The following GSTA3 variants were observed in gnomAD, a reference collection of about 807,000 sequenced individuals.
GSTA3 encodes the protein glutathione S-transferase A3.
Under a neutral mutation model 23.1 loss-of-function variants are expected in GSTA3, and 16 were observed. The ratio of observed to expected loss-of-function variants is 0.69; its 90% CI spans 0.47 to 1.05. The LOEUF (loss-of-function observed/expected upper bound fraction) is 1.05. Ranked by LOEUF, GSTA3 falls within the 50% of genes least tolerant of loss-of-function variation. The pLI, the probability that GSTA3 is intolerant of heterozygous loss-of-function variation, is 0.00. For synonymous variants in GSTA3, 122 were observed against 91.0 expected, an observed-to-expected ratio of 1.34 and a Z score of -1.94; for missense variants, 319 against 263.6, an observed-to-expected ratio of 1.21 and a Z score of -1.46.
At position 52,903,662 on chromosome 6, in the gene GSTA3, A is replaced by C; in HGVS notation, c.139+14T>G. 2 of 1,443,696 alleles carry C rather than the reference A, an allele frequency of 1.4e-6. No homozygotes were observed. The highest frequency in any genetic ancestry group is 1.9e-6 in the Non-Finnish European group (2 of 1,026,466). 89.4% of individuals were successfully genotyped at this position (1,443,696 alleles called of 1,614,324 possible). A position where few individuals can be genotyped will look rare whatever the true frequency, so the allele number is the denominator to read the frequency against. On this transcript the variant is annotated intron_variant, in intron 3 of 6. Transcript: ENST00000211122. ...AGATACCCTCATCAGAGGCACTTAG[A>C]GACTTGATCTTACCATTTCTTAACT...
chr6:52,903,776 T>TAGAAGG, intron 2 of GSTA3, 49 bp from the exon 3 acceptor site: 1 of 1,120,892 alleles, frequency 8.9e-7, no homozygotes, highest in Non-Finnish European at 1.4e-6. Context: ...TTCCATAGCA[T>TAGAAGG]TACAGACTTG....
At chr6:52,903,441 A>AC (rs1320944980) in intron 3 of GSTA3, among the ~76,000 whole-genome samples, 1 of 151,204 alleles carries the variant, frequency 6.6e-6, no homozygotes, top group African/African-American at 2.4e-5. Context: ...CAAAAAAAAA[A>AC]AAAAAACTAG....
At chr6:52,908,424 A>G (rs747155958) in intron 1 of GSTA3, among the ~76,000 whole-genome samples, 1 of 152,182 alleles carries the variant, frequency 6.6e-6, no homozygotes, top group Non-Finnish European at 1.5e-5. Flanking sequence ...CTGAGGCAGG[A>G]AGATCACTTG....
chr6:52,903,447 A>AC (rs1765768693), intron 3 of GSTA3, among the ~76,000 whole-genome samples: 2 of 151,042 alleles, frequency 1.3e-5, no homozygotes, highest in Admixed American at 1.3e-4. Flanking sequence ...AAAAAAAAAA[A>AC]CTAGCCTGGT....
At chr6:52,901,151 C>T (rs1371298642) in intron 4 of GSTA3, among the ~76,000 whole-genome samples, 1 of 152,176 alleles carries the variant, frequency 6.6e-6, no homozygotes, top group Non-Finnish European at 1.5e-5. Flanking sequence ...ATCGTTGTCA[C>T]CCATTAAATT....
intron 5 of GSTA3, among the ~76,000 whole-genome samples, chr6:52,898,993 A>C (rs1295709600): frequency 6.6e-6 from 1 of 151,804 alleles, no homozygotes; most frequent in African/African-American, 2.4e-5. Context: ...CAGAGCAGGT[A>C]GCCGGCAATC....
intron 1 of GSTA3, among the ~76,000 whole-genome samples, chr6:52,907,913 A>G (rs1765947372): frequency 6.6e-6 from 1 of 151,850 alleles, no homozygotes; most frequent in South Asian, 2.1e-4. Flanking sequence ...AGCATGGCAC[A>G]TGTATGCATA....
At chr6:52,908,910 C>T (rs1458685511) in intron 1 of GSTA3, among the ~76,000 whole-genome samples, 3 of 151,606 alleles carry the variant, frequency 2.0e-5, no homozygotes, top group African/African-American at 4.9e-5. Flanking sequence ...GTCCCAGATA[C>T]TTCGAACAAG....
chr6:52,907,456 AGCCATCCCATTACT>A (rs1409849121), intron 1 of GSTA3, among the ~76,000 whole-genome samples: 1 of 149,676 alleles, frequency 6.7e-6, no homozygotes, highest in Non-Finnish European at 1.5e-5. Flanking sequence ...CATTTGACCC[AGCCATCCCATTACT>A]GGGTATATAC....
chr6:52,908,796 AG>A (rs1211214787), intron 1 of GSTA3, among the ~76,000 whole-genome samples: 1 of 152,182 alleles, frequency 6.6e-6, no homozygotes, highest in Non-Finnish European at 1.5e-5. Context: ...ACAGCTTAAG[AG>A]GGGGTTATTA....
chr6:52,908,783 A>G (rs772557655), intron 1 of GSTA3, among the ~76,000 whole-genome samples: 6 of 152,228 alleles, frequency 3.9e-5, no homozygotes, highest in Non-Finnish European at 8.8e-5. Flanking sequence ...GACAGGGAAT[A>G]TAACAGCTTA....
Position 52,896,835 on chromosome 6 carries a change from C to T in GSTA3, c.640G>A (p.Glu214Lys), listed in dbSNP as rs765108264. The T allele has an allele frequency of 2.7e-5, 44 of 1,613,992 alleles. No homozygotes were observed. The South Asian group carries it at 4.4e-4, about 16-fold the overall frequency. ...RKPPADAKAL[E>K]EARKIFRF ...AACCTGAAAATCTTTCTGGCTTCTT[C>T]TAAAGCTTTTGCATCTGCGGGAGGC... The change falls in exon 7 of 7, where the codon GAA (glutamate) becomes AAA (lysine). Residue 214 changes from glutamate to lysine, a missense_variant. Glu to Lys is a moderately conservative substitution (Grantham distance 56). Coordinates refer to ENST00000211122, the MANE Select transcript of GSTA3 (RefSeq NM_000847.5).
intron 3 of GSTA3, 52 bp from the exon 4 acceptor site, chr6:52,902,530 T>G: frequency 6.5e-7 from 1 of 1,533,664 alleles, no homozygotes; most frequent in Non-Finnish European, 8.9e-7. Context: ...AATCCCACTA[T>G]TTCAGGAAGA....
chr6:52,907,392 A>G (rs1380866671), intron 1 of GSTA3, among the ~76,000 whole-genome samples: 1 of 144,212 alleles, frequency 6.9e-6, no homozygotes, highest in Non-Finnish European at 1.5e-5. Context: ...AAACTAGTTC[A>G]ACCATTGTGG....
chr6:52,908,914 G>C (rs549244479), intron 1 of GSTA3, among the ~76,000 whole-genome samples: 6 of 151,936 alleles, frequency 3.9e-5, no homozygotes, highest in Non-Finnish European at 8.8e-5. Flanking sequence ...CAGATACTTC[G>C]AACAAGAAGG....
At chr6:52,900,143 T>TACA in intron 4 of GSTA3, 68 bp from the exon 5 acceptor site, 3 of 1,402,820 alleles carry the variant, frequency 2.1e-6, no homozygotes, top group Non-Finnish European at 2.9e-6. Context: ...TATAAAAACC[T>TACA]AAGAGAATAG....
chr6:52,899,281 A>G (rs1197369080), intron 5 of GSTA3, among the ~76,000 whole-genome samples: 3 of 152,202 alleles, frequency 2.0e-5, no homozygotes, highest in African/African-American at 7.2e-5. Flanking sequence ...TTCTTTGAAA[A>G]GAAATTTAGA....
intron 1 of GSTA3, among the ~76,000 whole-genome samples, chr6:52,909,240 C>A (rs1215472017): frequency 1.3e-5 from 2 of 151,884 alleles, no homozygotes; most frequent in Non-Finnish European, 2.9e-5. Context: ...AATGTGTGAC[C>A]CTGCCAGCTT....
chr6:52,904,672 AC>A (rs1323259538), intron 2 of GSTA3, among the ~76,000 whole-genome samples: 5 of 151,740 alleles, frequency 3.3e-5, no homozygotes, highest in Admixed American at 6.6e-5. Context: ...TCCATTACTT[AC>A]TCTGGAGGAA....
Sources: allele counts gnomAD v4.1 joint callset (sites outside exome capture counted in the v4.1 genomes callset), GRCh38; gene constraint gnomAD v4.1.1; transcripts MANE v1.5; gene names NCBI Gene and HGNC (gene_info 2026-07-23, HGNC 2026-07-21).